SGCD: variants seen among roughly 807,000 people sequenced by gnomAD.
The protein encoded by SGCD is delta-sarcoglycan.
In SGCD, 18 loss-of-function variants were observed where a neutral mutation model predicts 36.6. That is an observed-to-expected ratio of 0.49 (90% CI 0.34 to 0.73). The LOEUF is 0.73. Ranked by LOEUF, SGCD falls within the 30% of genes least tolerant of loss-of-function variation. The pLI is 0.01. For missense variants in SGCD, 387 were observed against 346.7 expected (o/e 1.12, Z -0.92); for synonymous variants, 133 against 130.6 (o/e 1.02, Z -0.12).
chr5:156,420,028 T>C (rs932271754), intron 3 of SGCD, among the ~76,000 whole-genome samples: 2 of 152,126 alleles, frequency 1.3e-5, no homozygotes, highest in African/African-American at 4.8e-5. Context: ...AGCCTCTCCT[T>C]CCAGGGACTT....
chr5:156,041,498 A>G (rs1759633286), intron 1 of SGCD, among the ~76,000 whole-genome samples: 2 of 152,218 alleles, frequency 1.3e-5, no homozygotes, highest in Non-Finnish European at 2.9e-5. Context: ...TGAAGGAAGA[A>G]TGTTCTGCCT....
chr5:156,118,405 G>A (rs956729234), intron 2 of SGCD, among the ~76,000 whole-genome samples: 10 of 152,208 alleles, frequency 6.6e-5, no homozygotes, highest in East Asian at 1.9e-4. Flanking sequence ...GCAAAGGGGG[G>A]ACCTGTATTT....
At chr5:156,497,172 T>TCA (rs1236365249) in intron 3 of SGCD, among the ~76,000 whole-genome samples, 1 of 13,944 alleles carries the variant, frequency 7.2e-5, no homozygotes, top group Non-Finnish European at 1.3e-4. Context: ...TCTCCTGCAC[T>TCA]CTCTCTCTCT....
At chr5:156,489,814 G>T (rs1402917391) in intron 3 of SGCD, among the ~76,000 whole-genome samples, 1 of 151,404 alleles carries the variant, frequency 6.6e-6, no homozygotes, top group Admixed American at 6.6e-5. Flanking sequence ...ACAACCTCAA[G>T]AAAAGCAGGA....
At chr5:156,224,111 C>A (rs1339604898) in intron 3 of SGCD, among the ~76,000 whole-genome samples, 3 of 151,854 alleles carry the variant, frequency 2.0e-5, no homozygotes, top group African/African-American at 7.3e-5. Context: ...GTTTTATATG[C>A]CTCATTTTGT....
At chr5:155,960,997 T>G (rs375721728) in intron 1 of SGCD, among the ~76,000 whole-genome samples, 3 of 152,126 alleles carry the variant, frequency 2.0e-5, no homozygotes, top group African/African-American at 7.2e-5. Context: ...CTAAGTGGTT[T>G]GGAAGAGAAG....
rs147756996 is a variant in SGCD, at chr5:156,088,739, T to A, written c.-281-29139T>A. Among the ~76,000 whole-genome samples the A allele has an allele frequency of 8.0e-4, 122 of 152,332 alleles. 1 individual carries two copies. Among genetic ancestry groups the A allele is most frequent in the Middle Eastern group, 3.4e-3 (1 of 294 alleles). ...CTCACTATGTTGCCCAGCCTGCAAGTGTTTCATTCTATTCATTCTACAGGA... is the reference window on the plus strand; with the variant it reads ...CTCACTATGTTGCCCAGCCTGCAAGAGTTTCATTCTATTCATTCTACAGGA... On this transcript the variant is annotated intron_variant, in intron 1 of 9. Transcript: ENST00000517913.
chr5:156,601,940 C>G (rs1258930417), intron 6 of SGCD, among the ~76,000 whole-genome samples: 1 of 152,156 alleles, frequency 6.6e-6, no homozygotes, highest in African/African-American at 2.4e-5. Context: ...CTTGGCCTCC[C>G]AAAGTGCTGG....
chr5:156,210,795 G>A (rs1295550118), intron 3 of SGCD, among the ~76,000 whole-genome samples: 1 of 152,014 alleles, frequency 6.6e-6, no homozygotes, highest in Non-Finnish European at 1.5e-5. Flanking sequence ...AGGGACTGAA[G>A]AAAGCTTATG....
the SGCD span, among the ~76,000 whole-genome samples, chr5:155,783,501 A>T: frequency 1.3e-5 from 2 of 152,054 alleles, no homozygotes; most frequent in African/African-American, 4.8e-5. Flanking sequence ...CTAGTACAGA[A>T]TTCCCATATC....
At chr5:155,950,055 C>T (rs1757520140) in intron 1 of SGCD, among the ~76,000 whole-genome samples, 1 of 152,128 alleles carries the variant, frequency 6.6e-6, no homozygotes, top group African/African-American at 2.4e-5. Context: ...ATTTTTATTG[C>T]AAGCAATAGA....
intron 3 of SGCD, among the ~76,000 whole-genome samples, chr5:156,433,774 A>G (rs1011292191): frequency 2.0e-5 from 3 of 152,188 alleles, no homozygotes; most frequent in Non-Finnish European, 2.9e-5. Context: ...AAACATTGTC[A>G]ACACAAGTTG....
At chr5:156,624,217 T>C (rs1762358119) in intron 6 of SGCD, among the ~76,000 whole-genome samples, 1 of 152,264 alleles carries the variant, frequency 6.6e-6, no homozygotes, top group South Asian at 2.1e-4. Context: ...GTGGGTGAAG[T>C]TGGGGAAGAA....
chr5:156,320,853 A>C (rs1310518378), intron 3 of SGCD, among the ~76,000 whole-genome samples: 1 of 152,236 alleles, frequency 6.6e-6, no homozygotes, highest in Non-Finnish European at 1.5e-5. Context: ...AAAGTCAGTC[A>C]GATAATTTTG....
intron 3 of SGCD, among the ~76,000 whole-genome samples, chr5:156,273,872 A>G (rs773686962): frequency 2.6e-5 from 4 of 152,172 alleles, no homozygotes; most frequent in African/African-American, 4.8e-5. Context: ...TACGGTTGTC[A>G]TGTTTTTTGT....
chr5:155,999,255 A>G (rs1758616723), intron 1 of SGCD, among the ~76,000 whole-genome samples: 1 of 152,206 alleles, frequency 6.6e-6, no homozygotes, highest in African/African-American at 2.4e-5. Context: ...AGACAAGATA[A>G]AAAGCTGTGC....
the SGCD span, among the ~76,000 whole-genome samples, chr5:155,803,367 G>A: frequency 1.3e-5 from 2 of 152,214 alleles, no homozygotes; most frequent in African/African-American, 4.8e-5. Flanking sequence ...CCTGGCAGCA[G>A]TTGGGACCAT....
At chr5:155,796,834 CA>C in the SGCD span, among the ~76,000 whole-genome samples, 1 of 103,288 alleles carries the variant, frequency 9.7e-6, no homozygotes, top group African/African-American at 4.1e-5. Flanking sequence ...AAAAAAAAAT[CA>C]ATGATTCAAG....
intron 7 of SGCD, among the ~76,000 whole-genome samples, chr5:156,676,636 A>T (rs1474564963): frequency 6.6e-6 from 1 of 152,122 alleles, no homozygotes; most frequent in Non-Finnish European, 1.5e-5. Flanking sequence ...AACCTTGATG[A>T]GCCCTGGGGA....
Sources: allele counts gnomAD v4.1 joint callset (sites outside exome capture counted in the v4.1 genomes callset), GRCh38; gene constraint gnomAD v4.1.1; transcripts MANE v1.5; gene names NCBI Gene and HGNC (gene_info 2026-07-23, HGNC 2026-07-21).